The following NTNG1 variants were observed in gnomAD, a reference collection of about 807,000 sequenced individuals.
The protein encoded by NTNG1 is netrin-G1.
NTNG1 carries 16 observed loss-of-function variants against 54.0 expected under a neutral mutation model. That is an observed-to-expected ratio of 0.30 (90% CI 0.20 to 0.45). The LOEUF is 0.45. NTNG1 is among the 20% of genes least tolerant of loss of function. NTNG1 has a pLI of 1.00. For synonymous variants in NTNG1, 255 were observed against 263.1 expected (o/e 0.97, Z 0.30); for missense variants, 530 against 678.7 (o/e 0.78, Z 2.43).
At chr1:107,393,072 G>A (rs1316784050) in intron 3 of NTNG1, among the ~76,000 whole-genome samples, 1 of 152,094 alleles carries the variant, frequency 6.6e-6, no homozygotes, top group Non-Finnish European at 1.5e-5. Flanking sequence ...TATCTTCTCA[G>A]CTAATATAAT....
intron 2 of NTNG1, chr1:107,260,907 CAG>C (rs1356800669): frequency 6.6e-6 from 1 of 152,160 alleles, no homozygotes; most frequent in Non-Finnish European, 1.5e-5. Flanking sequence ...ATATTTTACA[CAG>C]AGAAAGGAGA....
At chr1:107,285,693 A>G (rs1448826871) in intron 2 of NTNG1, among the ~76,000 whole-genome samples, 1 of 152,178 alleles carries the variant, frequency 6.6e-6, no homozygotes, top group Non-Finnish European at 1.5e-5. Flanking sequence ...CAGATCAGAA[A>G]TTGTCGAAAA....
chr1:107,310,031 G>A (rs1029524542), intron 2 of NTNG1, among the ~76,000 whole-genome samples: 1 of 152,118 alleles, frequency 6.6e-6, no homozygotes, highest in Non-Finnish European at 1.5e-5. Flanking sequence ...AAAATTAAAT[G>A]AAATGACAAA....
At chr1:107,464,846 T>C (rs987365766) in intron 7 of NTNG1, among the ~76,000 whole-genome samples, 12 of 152,170 alleles carry the variant, frequency 7.9e-5, no homozygotes, top group African/African-American at 2.9e-4. Context: ...AGTTTAATAC[T>C]TTGAAGGTTT....
chr1:107,367,764 G>T (rs1670685332), intron 3 of NTNG1, among the ~76,000 whole-genome samples: 1 of 151,200 alleles, frequency 6.6e-6, no homozygotes, highest in Non-Finnish European at 1.5e-5. Flanking sequence ...TTTGTTTTTT[G>T]GGGGTATTTT....
At chr1:107,154,391 G>A (rs945428078) in intron 2 of NTNG1, among the ~76,000 whole-genome samples, 2 of 151,714 alleles carry the variant, frequency 1.3e-5, no homozygotes, top group Non-Finnish European at 2.9e-5. Context: ...GATCTCTTGA[G>A]CCTAGGAGTT....
chr1:107,269,028 T>G (rs1030054677), intron 2 of NTNG1, among the ~76,000 whole-genome samples: 1 of 152,222 alleles, frequency 6.6e-6, no homozygotes, highest in Non-Finnish European at 1.5e-5. Context: ...AGTACAAATT[T>G]TTTTTAATGT....
At chr1:107,365,069 T>C (rs72985584) in intron 3 of NTNG1, among the ~76,000 whole-genome samples, 18 of 152,344 alleles carry the variant, frequency 1.2e-4, no homozygotes, top group African/African-American at 4.3e-4. Flanking sequence ...TTTCACCTGT[T>C]ACTTTTTTTG....
At chr1:107,342,514 T>C (rs763239612) in intron 3 of NTNG1, among the ~76,000 whole-genome samples, 20 of 152,276 alleles carry the variant, frequency 1.3e-4, no homozygotes, top group Non-Finnish European at 2.1e-4. Flanking sequence ...GGTACATAAA[T>C]CATTGCAATA....
chr1:107,229,071 T>C (rs977442181), intron 2 of NTNG1, among the ~76,000 whole-genome samples: 1 of 152,000 alleles, frequency 6.6e-6, no homozygotes, highest in East Asian at 1.9e-4. Flanking sequence ...CTTTCAAAGA[T>C]GTGTAGCTGC....
rs867954764 is a variant in NTNG1, at chr1:107,376,332, C to T, written c.888-18822C>T. On this transcript the variant is annotated intron_variant, in intron 3 of 7. Coordinates refer to ENST00000370068, the MANE Select transcript of NTNG1 (RefSeq NM_001113226.3). ...CTGAGGCATGGGAATGGCGTGAACC[C>T]GGGAGGCGGAGCTTACAGTGAGCCG... is the stretch of plus-strand genomic sequence containing the variant. 5.6e-4 allele frequency among the ~76,000 whole-genome samples: 85 copies of T among 151,470 alleles called. 1 individual carries two copies. Among genetic ancestry groups the T allele is most frequent in the African/African-American group, 1.9e-3 (77 of 41,240 alleles).
chr1:107,281,647 A>G (rs752787380), intron 2 of NTNG1, among the ~76,000 whole-genome samples: 13 of 152,124 alleles, frequency 8.5e-5, no homozygotes, highest in Admixed American at 3.9e-4. Flanking sequence ...GGTTATATAT[A>G]CATATATATG....
intron 2 of NTNG1, among the ~76,000 whole-genome samples, chr1:107,179,628 C>T (rs1246913209): frequency 6.6e-6 from 1 of 152,136 alleles, no homozygotes; most frequent in South Asian, 2.1e-4. Flanking sequence ...GGTACAAGTG[C>T]AGGTTTGTTA....
At chr1:107,167,756 T>C (rs10494061) in intron 2 of NTNG1, among the ~76,000 whole-genome samples, 62,594 of 151,868 alleles carry the variant, frequency 0.41, 14,943 homozygotes, top group East Asian at 0.57. Context: ...AATGAAAGCG[T>C]GAGTAGATTT....
At chr1:107,200,674 T>A (rs1011851272) in intron 2 of NTNG1, among the ~76,000 whole-genome samples, 24 of 151,870 alleles carry the variant, frequency 1.6e-4, no homozygotes, top group Admixed American at 9.9e-4. Flanking sequence ...CCTTTGATCA[T>A]ATAGTTCTCT....
rs1344899994 is a variant in NTNG1, at chr1:107,324,511, A to G, written c.476A>G (p.Gln159Arg). 4 of 1,613,688 alleles carry G rather than the reference A, an allele frequency of 2.5e-6. No individual in the cohort carries two copies. Among genetic ancestry groups the G allele is most frequent in the Non-Finnish European group, 3.4e-6 (4 of 1,179,866 alleles). ...VITFESGRPD[Q>R]MILEKSLDYG... ...ACCTTTGAATCTGGGCGTCCAGACCAAATGATCCTGGAGAAGTCTCTCGAT... is the reference window on the plus strand; with the variant it reads ...ACCTTTGAATCTGGGCGTCCAGACCGAATGATCCTGGAGAAGTCTCTCGAT... Residue 159 changes from glutamine to arginine, a missense_variant, in exon 3 of 8, where the codon CAA becomes CGA. Physicochemically the swap from Gln to Arg is conservative, Grantham distance 43. Transcript: ENST00000370068.
intron 7 of NTNG1, among the ~76,000 whole-genome samples, chr1:107,476,307 A>G (rs879654436): frequency 4.6e-5 from 7 of 152,082 alleles, no homozygotes; most frequent in Admixed American, 1.3e-4. Flanking sequence ...TACTTGGTCT[A>G]TATTCTTCTA....
intron 2 of NTNG1, among the ~76,000 whole-genome samples, chr1:107,168,066 T>A (rs900578173): frequency 6.6e-6 from 1 of 152,032 alleles, no homozygotes; most frequent in Middle Eastern, 3.2e-3. Context: ...AATTTCACAG[T>A]ATAACTAAAG....
chr1:107,430,331 C>T (rs975165907), intron 5 of NTNG1, among the ~76,000 whole-genome samples: 3 of 152,124 alleles, frequency 2.0e-5, no homozygotes, highest in African/African-American at 7.2e-5. Context: ...TCTCAATGCT[C>T]ACACAGTCCC....
Sources: allele counts gnomAD v4.1 joint callset (sites outside exome capture counted in the v4.1 genomes callset), GRCh38; gene constraint gnomAD v4.1.1; transcripts MANE v1.5; gene names NCBI Gene and HGNC (gene_info 2026-07-23, HGNC 2026-07-21).